NEDD4: variants seen among roughly 807,000 people sequenced by gnomAD.
NEDD4 encodes NEDD4 E3 ubiquitin protein ligase, also known as E3 ubiquitin-protein ligase NEDD4.
Under a neutral mutation model 144.9 loss-of-function variants are expected in NEDD4, and 99 were observed. The ratio of observed to expected loss-of-function variants is 0.68; its 90% CI spans 0.58 to 0.81. NEDD4 has a LOEUF of 0.81. NEDD4 is among the 30% of genes least tolerant of loss of function. The pLI is 0.00. For missense variants in NEDD4, 985 were observed against 1,065.9 expected, an observed-to-expected ratio of 0.92 and a Z score of 1.06; for synonymous variants, 318 against 350.6, an observed-to-expected ratio of 0.91 and a Z score of 1.04.
At chr15:55,833,139 A>C in intron 26 of NEDD4, 35 bp from the exon 27 acceptor site, 1 of 1,350,012 alleles carries the variant, frequency 7.4e-7, no homozygotes. Flanking sequence ...AGGGAACAGC[A>C]CTGGGAAAGA....
chr15:55,945,461 A>G, intron 4 of NEDD4, among the ~76,000 whole-genome samples: 1 of 152,216 alleles, frequency 6.6e-6, no homozygotes, highest in East Asian at 1.9e-4. Flanking sequence ...ACAAGTTTAG[A>G]GAAAAAAGAA....
intron 4 of NEDD4, among the ~76,000 whole-genome samples, chr15:55,932,731 C>A (rs1158768108): frequency 2.0e-5 from 3 of 151,982 alleles, no homozygotes; most frequent in African/African-American, 4.8e-5. Flanking sequence ...AGTGAACAGG[C>A]AACCTACAGA....
At chr15:55,849,851 G>C (rs1209652756) in intron 14 of NEDD4, among the ~76,000 whole-genome samples, 6 of 150,324 alleles carry the variant, frequency 4.0e-5, no homozygotes, top group African/African-American at 1.5e-4. Flanking sequence ...GGAGTGCAGT[G>C]GTGCGATCTT....
At chr15:55,988,000 T>C (rs1261839061) in intron 1 of NEDD4, 1 of 151,408 alleles carries the variant, frequency 6.6e-6, no homozygotes, top group Non-Finnish European at 1.5e-5. Flanking sequence ...TTTTTTCCAA[T>C]TCTGTGAAGA....
chr15:55,913,614 C>G (rs2036343083), intron 5 of NEDD4, among the ~76,000 whole-genome samples: 2 of 151,974 alleles, frequency 1.3e-5, no homozygotes, highest in African/African-American at 4.8e-5. Flanking sequence ...AAGATAGAAT[C>G]TGCACAAAGT....
At chr15:55,872,906 T>G (rs1406474891) in intron 6 of NEDD4, among the ~76,000 whole-genome samples, 2 of 149,562 alleles carry the variant, frequency 1.3e-5, no homozygotes, top group African/African-American at 4.9e-5. Context: ...CTTATGGTCC[T>G]GCACCCTGTT....
chr15:55,836,890 C>A (rs1284559414), intron 24 of NEDD4, among the ~76,000 whole-genome samples: 1 of 151,652 alleles, frequency 6.6e-6, no homozygotes, highest in Non-Finnish European at 1.5e-5. Flanking sequence ...AACTCCTGGG[C>A]TCAAGCAATC....
chr15:55,850,530 T>A lies in NEDD4; in HGVS notation c.1347+12A>T, dbSNP rs761467505. 6.2e-7 allele frequency: 1 copy of A among 1,613,212 alleles called. No individual in the cohort carries two copies. The highest frequency in any genetic ancestry group is 8.5e-7 in the Non-Finnish European group (1 of 1,179,424). On this transcript the variant is annotated intron_variant, in intron 14 of 28. Transcript: ENST00000435532. ...GTTGTTATAAATTTAAATGGAAAAG[T>A]ATCAAAGTTACCCAGGTGGTGGTTT...
chr15:55,971,351 A>T (rs1409713459), intron 1 of NEDD4, among the ~76,000 whole-genome samples: 2 of 152,166 alleles, frequency 1.3e-5, no homozygotes, highest in African/African-American at 4.8e-5. Context: ...TGGGCCGGGC[A>T]TGGTGGCTCA....
At chr15:55,918,535 T>A (rs1221835126) in intron 5 of NEDD4, among the ~76,000 whole-genome samples, 1 of 151,938 alleles carries the variant, frequency 6.6e-6, no homozygotes, top group Non-Finnish European at 1.5e-5. Context: ...CTAAGTAAGT[T>A]TTTTTTCCTA....
chr15:55,961,038 G>C (rs66463411), intron 2 of NEDD4, among the ~76,000 whole-genome samples: 20,431 of 152,238 alleles, frequency 0.13, 1,495 homozygotes, highest in East Asian at 0.32. Context: ...ACCCTAACTT[G>C]TTTGTCAGGA....
At chr15:55,881,724 G>A (rs1312560957) in intron 5 of NEDD4, among the ~76,000 whole-genome samples, 2 of 152,082 alleles carry the variant, frequency 1.3e-5, no homozygotes, top group South Asian at 2.1e-4. Flanking sequence ...ACATCTGTAT[G>A]TTTGATGATT....
chr15:55,985,758 C>CAT (rs1408586759), intron 1 of NEDD4, among the ~76,000 whole-genome samples: 44 of 112,214 alleles, frequency 3.9e-4, no homozygotes, highest in African/African-American at 1.8e-3. Flanking sequence ...GTAGAGTACA[C>CAT]ATACACACAC....
intron 8 of NEDD4, among the ~76,000 whole-genome samples, chr15:55,864,620 G>A (rs1230369467): frequency 6.6e-6 from 1 of 150,534 alleles, no homozygotes; most frequent in Non-Finnish European, 1.5e-5. Context: ...AGGCGGAGGT[G>A]ATGGTGAGCC....
At chr15:55,965,487 G>A (rs1047321376) in intron 2 of NEDD4, among the ~76,000 whole-genome samples, 1 of 152,134 alleles carries the variant, frequency 6.6e-6, no homozygotes, top group Non-Finnish European at 1.5e-5. Context: ...GGCAGTGACT[G>A]TGATCTCTGT....
intron 5 of NEDD4, among the ~76,000 whole-genome samples, chr15:55,883,678 AACACACACACACACACAAACAC>A (rs2035278058): frequency 7.2e-6 from 1 of 139,376 alleles, no homozygotes; most frequent in Non-Finnish European, 1.5e-5. Flanking sequence ...CAGGCATCTC[AACACACACACACACACAAACAC>A]ACACACACAC....
At chr15:55,864,072 C>G (rs1226674306) in intron 8 of NEDD4, among the ~76,000 whole-genome samples, 1 of 152,012 alleles carries the variant, frequency 6.6e-6, no homozygotes. Flanking sequence ...TAACATAAAG[C>G]CTTAGGGCAG....
At chr15:55,926,517 C>A (rs1310841523) in intron 4 of NEDD4, among the ~76,000 whole-genome samples, 1 of 152,182 alleles carries the variant, frequency 6.6e-6, no homozygotes, top group Non-Finnish European at 1.5e-5. Flanking sequence ...CACCTGTCAT[C>A]CCAGCACTCC....
intron 7 of NEDD4, among the ~76,000 whole-genome samples, chr15:55,870,207 G>A (rs2034733571): frequency 6.6e-6 from 1 of 152,064 alleles, no homozygotes; most frequent in African/African-American, 2.4e-5. Flanking sequence ...TGCATATTTT[G>A]GTAAATCACT....
Sources: gnomAD v4.1 joint callset for allele counts (sites outside exome capture counted in the v4.1 genomes callset) on GRCh38, gnomAD v4.1.1 for gene constraint, MANE v1.5 for transcripts, NCBI Gene and HGNC (gene_info 2026-07-23, HGNC 2026-07-21) for gene names.